Variants in TSFM observed in about 807,000 individuals in gnomAD.
The protein encoded by TSFM is elongation factor Ts, mitochondrial.
In TSFM, 29 loss-of-function variants were observed where a neutral mutation model predicts 33.4. The ratio of observed to expected loss-of-function variants is 0.87; its 90% CI spans 0.65 to 1.18. The LOEUF is 1.18. Ranked by LOEUF, TSFM falls within the 50% of genes most tolerant of loss-of-function variation. The probability of loss-of-function intolerance (pLI) is 0.00; values close to 1 mark genes in which losing one functional copy is unlikely to be tolerated. For missense variants in TSFM, 394 were observed against 395.6 expected, an observed-to-expected ratio of 1.00 and a Z score of 0.04; for synonymous variants, 178 against 163.5, an observed-to-expected ratio of 1.09 and a Z score of -0.68.
rs1239278957 is a variant in TSFM at position 57,796,593 on chromosome 12, A to T, written c.*10A>T. On this transcript the variant is annotated 3_prime_UTR_variant, in exon 6 of 6. Coordinates refer to ENST00000652027, the MANE Select transcript of TSFM (RefSeq NM_005726.6). ...AGCAGAAACTGAATAGGTTCCAGAG[A>T]CTTTTGGCCCAGGAGGAATATTTAC... 4 of 1,378,924 alleles carry T rather than the reference A, an allele frequency of 2.9e-6. No homozygotes were observed. The allele number at this position is 1,378,924 out of a possible 1,614,324, so 85.4% of individuals were successfully genotyped here.
At position 57,786,168 on chromosome 12, in the gene TSFM, G is replaced by A; in HGVS notation, c.237G>A (p.Glu79=). 6.2e-7 allele frequency: 1 copy of A among 1,605,076 alleles called. No individual in the cohort carries two copies. The highest frequency in any genetic ancestry group is 8.5e-7 in the Non-Finnish European group (1 of 1,175,438). ...ETCGGDLKQA[E]IWLHKEAQKE... ...TTTTTCCTCTCAATTTACAGGCAGA[G>A]ATCTGGCTCCACAAGGAGGCCCAGA... Residue 79 remains glutamate (E), a synonymous_variant, in exon 3 of 6, where the codon GAG becomes GAA. Transcript: ENST00000652027.
intron 3 of TSFM, 56 bp from the exon 4 acceptor site, chr12:57,786,984 A>C (rs1438705825): frequency 3.8e-6 from 6 of 1,562,888 alleles, no homozygotes; most frequent in Non-Finnish European, 4.3e-6. Flanking sequence ...GCCTTAAGGC[A>C]CTTTTGGAAA....
At chr12:57,801,604 G>T (rs1197096420), downstream of TSFM, among the ~76,000 whole-genome samples, 1 of 152,148 alleles carries the variant, frequency 6.6e-6, no homozygotes, top group African/African-American at 2.4e-5. Flanking sequence ...GCTGGGCATG[G>T]TGGTGCATGC....
intron 2 of TSFM, chr12:57,783,975 T>C: frequency 1.4e-6 from 1 of 702,936 alleles, no homozygotes; most frequent in Non-Finnish European, 2.6e-6. Context: ...GTCATGCGTC[T>C]CTTAATAGGA....
chr12:57,788,262 G>A (rs1285907798), intron 4 of TSFM, among the ~76,000 whole-genome samples: 2 of 141,514 alleles, frequency 1.4e-5, no homozygotes, highest in Non-Finnish European at 3.1e-5. Context: ...AAACACCAGT[G>A]TACCCTTTTT....
At position 57,792,977 on chromosome 12, in the gene TSFM, T is replaced by C. The variant is rs1443353946; in HGVS notation, c.484-9T>C. ...AATCAGTTCATGTTTGTTTTCTTCG[T>C]GCACTTAGGGTTTCTTGAATTCCTC... On this transcript the variant is annotated splice_polypyrimidine_tract_variant and intron_variant, in intron 4 of 5. Transcript: ENST00000652027. The C allele has an allele frequency of 6.2e-7, 1 of 1,613,208 alleles. No individual in the cohort carries two copies. The highest frequency in any genetic ancestry group is 8.5e-7 in the Non-Finnish European group (1 of 1,179,238).
At chr12:57,799,703 G>A (rs929832750), downstream of TSFM, 29 of 1,554,068 alleles carry the variant, frequency 1.9e-5, no homozygotes, top group Admixed American at 4.7e-4. Flanking sequence ...CGGCTACAAT[G>A]TGCCGGAGCT....
At chr12:57,790,368 AGGTGTGCTGATTTC>A in intron 4 of TSFM, among the ~76,000 whole-genome samples, 1 of 152,102 alleles carries the variant, frequency 6.6e-6, no homozygotes, top group East Asian at 1.9e-4. Flanking sequence ...GCGCCTGGCC[AGGTGTGCTGATTTC>A]TACTGAGATG....
intron 5 of TSFM, among the ~76,000 whole-genome samples, chr12:57,795,643 G>A (rs1353971040): frequency 1.3e-5 from 2 of 151,876 alleles, no homozygotes; most frequent in Admixed American, 1.3e-4. Flanking sequence ...TGTTTTTGGA[G>A]AGAGTCTTGT....
rs751169823 is a variant in TSFM at position 57,787,082 on chromosome 12, C to T, written c.403C>T (p.Gln135Ter). 2.5e-6 allele frequency: 4 copies of T among 1,612,794 alleles called. No homozygotes were observed. The Admixed American group carries it at 6.7e-5, about 27-fold the overall frequency. ...TTTTGTTTCTAGAAATTTAAAATTT[C>T]AACTGTTGGTCCAGCAAGTAGCCCT... ...TDFVSRNLKFQLLVQQVALGT... is the reference protein window; with the variant it reads ...TDFVSRNLKF The change falls in exon 4 of 6, where the codon CAA becomes TAA. Residue 135 changes from glutamine (Q) to a stop codon, truncating the protein, a stop_gained. Coordinates refer to ENST00000652027, the MANE Select transcript of TSFM (RefSeq NM_005726.6). LOFTEE classifies it high-confidence loss of function.
At chr12:57,793,517 C>T (rs565828399) in intron 5 of TSFM, among the ~76,000 whole-genome samples, 15 of 152,284 alleles carry the variant, frequency 9.9e-5, no homozygotes, top group Non-Finnish European at 1.8e-4. Flanking sequence ...CCACCGCGCC[C>T]GGCCACATTA....
intron 2 of TSFM, among the ~76,000 whole-genome samples, chr12:57,785,761 A>T (rs912096223): frequency 6.6e-6 from 1 of 152,236 alleles, no homozygotes; most frequent in Non-Finnish European, 1.5e-5. Context: ...TCTTTACACT[A>T]GCATTGCCAC....
Position 57,797,147 on chromosome 12 carries a change from C to T in TSFM, c.*564C>T, listed in dbSNP as rs1955752733. On this transcript the variant is annotated 3_prime_UTR_variant, in exon 6 of 6. Coordinates refer to ENST00000652027, the MANE Select transcript of TSFM (RefSeq NM_005726.6). ...CATTTAATGAAATTAATAACACATG[C>T]CCCTATTTCTCTTTTGGATGATGTG... is the stretch of plus-strand genomic sequence containing the variant. 2.0e-6 allele frequency: 2 copies of T among 985,410 alleles called. No individual in the cohort carries two copies. Among genetic ancestry groups the T allele is most frequent in the African/African-American group, 1.7e-5 (1 of 57,350 alleles). The allele number at this position is 985,410 out of a possible 1,614,324, so 61.0% of individuals were successfully genotyped here. A position where few individuals can be genotyped will look rare whatever the true frequency, so the allele number is the denominator to read the frequency against.
downstream of TSFM, chr12:57,797,802 A>G: frequency 1.8e-6 from 2 of 1,142,238 alleles, no homozygotes; most frequent in East Asian, 5.3e-5. Context: ...TCAGGCAGAA[A>G]TTGGTGGATA....
In TSFM at chr12:57,796,669, G is replaced by T; in HGVS notation, c.*86G>T. 1 of 1,262,972 alleles carries T rather than the reference G, an allele frequency of 7.9e-7. No individual in the cohort carries two copies. The allele number at this position is 1,262,972 out of a possible 1,614,324, so 78.2% of individuals were successfully genotyped here. On this transcript the variant is annotated 3_prime_UTR_variant, in exon 6 of 6. Coordinates refer to ENST00000652027, the MANE Select transcript of TSFM (RefSeq NM_005726.6). The stretch of plus-strand genomic sequence containing the variant: ...AAGGAATATTTCCCAAACCTCTTCA[G>T]ACCGAGAATGCATGGGTAAAATTAT...
Position 57,796,309 on chromosome 12 carries a change from G to A in TSFM, c.704G>A (p.Gly235Glu), listed in dbSNP as rs779344214. Residue 235 changes from glycine (G) to glutamate (E), a missense_variant, in exon 6 of 6, where the codon GGG becomes GAG. Physicochemically the swap from Gly to Glu is moderately conservative, Grantham distance 98. This residue lies in a region of TSFM where 186 missense variants were observed against 198.8 expected (regional missense o/e 0.94). Transcript: ENST00000652027. ...SLHKLVLGKY[G>E]ALVICETSEQ... ...CACAAGCTGGTGCTGGGGAAGTATG[G>A]GGCCCTGGTCATCTGTGAGACGTCT... 1 of 1,611,740 alleles carries A rather than the reference G, an allele frequency of 6.2e-7. No individual in the cohort carries two copies. Among genetic ancestry groups the A allele is most frequent in the East Asian group, 2.2e-5 (1 of 44,844 alleles).
intron 3 of TSFM, 148 bp downstream of exon 3, chr12:57,786,439 A>T (rs1955592181): frequency 9.7e-7 from 1 of 1,026,494 alleles, no homozygotes; most frequent in South Asian, 2.2e-5. Context: ...AACCCTGGGT[A>T]TTAGTTACGA....
At chr12:57,795,714 A>T (rs1955727460) in intron 5 of TSFM, among the ~76,000 whole-genome samples, 1 of 152,082 alleles carries the variant, frequency 6.6e-6, no homozygotes, top group African/African-American at 2.4e-5. Flanking sequence ...TCCTGGGTTC[A>T]AGTGATTCTC....
At chr12:57,787,520 T>C (rs187798178) in intron 4 of TSFM, among the ~76,000 whole-genome samples, 1 of 152,198 alleles carries the variant, frequency 6.6e-6, no homozygotes, top group Admixed American at 6.5e-5. Flanking sequence ...GTCAGATGAA[T>C]GAATGAATGA....
Sources: gnomAD v4.1 joint callset for allele counts (sites outside exome capture counted in the v4.1 genomes callset) on GRCh38, gnomAD v4.1.1 for gene constraint, gnomAD v4.1.1 regional missense constraint, MANE v1.5 for transcripts, NCBI Gene and HGNC (gene_info 2026-07-23, HGNC 2026-07-21) for gene names.